TSHZ1: variants seen among roughly 807,000 people sequenced by gnomAD.
TSHZ1 encodes teashirt homolog 1.
In TSHZ1, 12 loss-of-function variants were observed where a neutral mutation model predicts 67.1. That is an observed-to-expected ratio of 0.18 (90% CI 0.11 to 0.29). The LOEUF (loss-of-function observed/expected upper bound fraction) is 0.29. Among genes scored for constraint, TSHZ1 ranks in the 10% least tolerant of loss-of-function variants. The pLI is 1.00. For synonymous variants in TSHZ1, 632 were observed against 622.4 expected (o/e 1.02, Z -0.23); for missense variants, 1,305 against 1,413.9 (o/e 0.92, Z 1.23).
chr18:75,216,599 G>A (rs536856091), intron 1 of TSHZ1, among the ~76,000 whole-genome samples: 29 of 152,336 alleles, frequency 1.9e-4, no homozygotes, highest in Middle Eastern at 3.4e-3. Flanking sequence ...AAGAGGTTTT[G>A]TGTTGTCTTA....
intron 1 of TSHZ1, among the ~76,000 whole-genome samples, chr18:75,230,879 C>G (rs928559904): frequency 6.6e-6 from 1 of 152,098 alleles, no homozygotes. Context: ...GTTCCCTATG[C>G]AAGCTGCATG....
At chr18:75,240,142 C>T (rs182435140) in intron 1 of TSHZ1, among the ~76,000 whole-genome samples, 2,008 of 152,204 alleles carry the variant, frequency 0.013, 17 homozygotes, top group South Asian at 0.022. Context: ...GAGAGTTTAA[C>T]GTTTTAAGAA....
In TSHZ1 at chr18:75,236,509, A is replaced by G. The variant is rs149851705; in HGVS notation, c.40+24593A>G. Among the ~76,000 whole-genome samples, 4 of 152,324 alleles carry G rather than the reference A, an allele frequency of 2.6e-5. No homozygotes were observed. In the East Asian group the frequency reaches 7.7e-4, roughly 29 times the overall value. On this transcript the variant is annotated intron_variant, in intron 1 of 1. Transcript: ENST00000580243. ...ATTATTCTTTATAAATACTAATTGT[A>G]GCATTCTTCTGTTTTCAGTGTACCC... is the stretch of plus-strand genomic sequence containing the variant.
rs553081196 is a variant in TSHZ1 at position 75,264,028 on chromosome 18, C to T, written c.41-21420C>T. On this transcript the variant is annotated intron_variant, in intron 1 of 1. Coordinates refer to ENST00000580243, the MANE Select transcript of TSHZ1 (RefSeq NM_001308210.2). ...TCAAGGAGCTGAAGCTGATGCTAAC[C>T]ATAGAATAGTCCAGAATATCCTTTA... Among the ~76,000 whole-genome samples, 4 of 152,292 alleles carry T rather than the reference C, an allele frequency of 2.6e-5. No homozygotes were observed. The South Asian group carries it at 8.3e-4, about 32-fold the overall frequency.
At chr18:75,255,023 AT>A (rs1325425597) in intron 1 of TSHZ1, among the ~76,000 whole-genome samples, 1 of 152,226 alleles carries the variant, frequency 6.6e-6, no homozygotes, top group East Asian at 1.9e-4. Flanking sequence ...TTCTTTAAGT[AT>A]TTTATGGACA....
intron 1 of TSHZ1, among the ~76,000 whole-genome samples, chr18:75,263,918 T>A (rs979604115): frequency 6.6e-6 from 1 of 152,256 alleles, no homozygotes; most frequent in African/African-American, 2.4e-5. Flanking sequence ...GCATCTAAGA[T>A]GCTTTTCAGC....
chr18:75,283,294 A>T (rs1004979448), intron 1 of TSHZ1: 12 of 152,312 alleles, frequency 7.9e-5, no homozygotes, highest in African/African-American at 2.9e-4. Flanking sequence ...GATGAGTCTG[A>T]CCAGTGGTTC....
chr18:75,258,729 A>G (rs1437760742), intron 1 of TSHZ1, among the ~76,000 whole-genome samples: 1 of 152,156 alleles, frequency 6.6e-6, no homozygotes, highest in Non-Finnish European at 1.5e-5. Flanking sequence ...CTAGTGACTT[A>G]TGGCCCTCAG....
intron 1 of TSHZ1, among the ~76,000 whole-genome samples, chr18:75,238,498 G>A (rs1460047754): frequency 6.6e-6 from 1 of 152,118 alleles, no homozygotes; most frequent in Non-Finnish European, 1.5e-5. Flanking sequence ...CTGTACAGGG[G>A]GAGTGTGTTC....
chr18:75,232,703 T>C (rs1233000740), intron 1 of TSHZ1, among the ~76,000 whole-genome samples: 1 of 152,152 alleles, frequency 6.6e-6, no homozygotes, highest in African/African-American at 2.4e-5. Flanking sequence ...ATTTTAAAGA[T>C]GGTCCCACAT....
chr18:75,239,922 A>C (rs930288510), intron 1 of TSHZ1, among the ~76,000 whole-genome samples: 3 of 152,196 alleles, frequency 2.0e-5, no homozygotes, highest in Non-Finnish European at 2.9e-5. Flanking sequence ...GCATGCTTCC[A>C]CCATTTCGAG....
chr18:75,244,507 T>C (rs997517483), intron 1 of TSHZ1: 2 of 152,332 alleles, frequency 1.3e-5, no homozygotes, highest in African/African-American at 2.4e-5. Flanking sequence ...TAGACTGATA[T>C]GACAGTGGCC....
Position 75,286,821 on chromosome 18 carries a change from C to T in TSHZ1, c.1414C>T (p.Pro472Ser), listed in dbSNP as rs2122623138. The stretch of plus-strand genomic sequence containing the variant: ...GAAGATCCAGTCCATCCCACTACCG[C>T]CCACCACCCACACGCGGCTGCCGGC... ...EEKIQSIPLP[P>S]TTHTRLPASS... Residue 472 changes from proline (P) to serine (S), a missense_variant, in exon 2 of 2, where the codon CCC becomes TCC. Coordinates refer to ENST00000580243, the MANE Select transcript of TSHZ1 (RefSeq NM_001308210.2). This position sits in a 1 kb window ranked among gnomAD's most constrained non-coding sequence, Gnocchi z 5.1. 2 of 1,613,936 alleles carry T rather than the reference C, an allele frequency of 1.2e-6. No individual in the cohort carries two copies. The highest frequency in any genetic ancestry group is 8.5e-7 in the Non-Finnish European group (1 of 1,180,016).
chr18:75,219,270 G>T lies in TSHZ1; in HGVS notation c.40+7354G>T, dbSNP rs188015889. ...GTGTAGCTGGGCAGAGTAGAAACAG[G>T]TAATTTTTTAAGTTTTTATCAATAG... On this transcript the variant is annotated intron_variant, in intron 1 of 1. Coordinates refer to ENST00000580243, the MANE Select transcript of TSHZ1 (RefSeq NM_001308210.2). Among the ~76,000 whole-genome samples, 11 of 152,270 alleles carry T rather than the reference G, an allele frequency of 7.2e-5. No individual in the cohort carries two copies. In the East Asian group the frequency reaches 2.1e-3, roughly 29 times the overall value.
At chr18:75,272,605 T>G (rs2023571534) in intron 1 of TSHZ1, among the ~76,000 whole-genome samples, 2 of 152,242 alleles carry the variant, frequency 1.3e-5, no homozygotes, top group African/African-American at 4.8e-5. Flanking sequence ...TTCACTTGGC[T>G]TGCTAGTGCT....
At chr18:75,271,913 C>T (rs1181289478) in intron 1 of TSHZ1, among the ~76,000 whole-genome samples, 1 of 152,080 alleles carries the variant, frequency 6.6e-6, no homozygotes, top group Non-Finnish European at 1.5e-5. Context: ...TTATTGAGCC[C>T]GGATAATATG....
Position 75,287,899 on chromosome 18 carries a change from C to T in TSHZ1, c.2492C>T (p.Pro831Leu). 6.2e-7 allele frequency: 1 copy of T among 1,614,210 alleles called. No individual in the cohort carries two copies. The highest frequency in any genetic ancestry group is 8.5e-7 in the Non-Finnish European group (1 of 1,180,050). The change falls in exon 2 of 2, where the codon CCT (proline) becomes CTT (leucine). Residue 831 changes from proline to leucine, a missense_variant. Physicochemically the swap from Pro to Leu is moderately conservative, Grantham distance 98. Coordinates refer to ENST00000580243, the MANE Select transcript of TSHZ1 (RefSeq NM_001308210.2). The surrounding 1 kb of genome is among the most constrained non-coding windows in gnomAD (Gnocchi z 5.0). Reference protein sequence around the residue: ...VSSVADSVASPLRESALMDIS... With the variant: ...VSSVADSVASLLRESALMDIS... Reference sequence around the variant, plus strand: ...AGCGTGGCTGATTCGGTGGCATCACCTCTGCGGGAGAGCGCACTCATGGAC... The same window carrying T: ...AGCGTGGCTGATTCGGTGGCATCACTTCTGCGGGAGAGCGCACTCATGGAC...
rs11390098 is a variant in TSHZ1 at position 75,276,292 on chromosome 18, G to GTT, written c.41-9146_41-9145dup. On this transcript the variant is annotated intron_variant, in intron 1 of 1. Transcript: ENST00000580243. ...GAAATTCTTAAAAATTGTTTCTATT[G>GTT]TTTTTTTTTTTCTATCATGTCAGAG... Among the ~76,000 whole-genome samples, 506 of 148,722 alleles carry GTT rather than the reference G, an allele frequency of 3.4e-3. 7 individuals carry two copies. The South Asian group carries it at 0.049, about 14-fold the overall frequency.
chr18:75,225,997 A>G (rs1340734128), intron 1 of TSHZ1, among the ~76,000 whole-genome samples: 1 of 152,210 alleles, frequency 6.6e-6, no homozygotes, highest in Non-Finnish European at 1.5e-5. Flanking sequence ...TAGTTTGGAA[A>G]TTAGTGCTAT....
Sources: gnomAD v4.1 joint callset for allele counts (sites outside exome capture counted in the v4.1 genomes callset) on GRCh38, gnomAD v4.1.1 for gene constraint, Gnocchi (gnomAD v3.1) non-coding constraint, MANE v1.5 for transcripts, NCBI Gene and HGNC (gene_info 2026-07-23, HGNC 2026-07-21) for gene names.